Variants in RHBDD3 observed in about 807,000 individuals in gnomAD.
RHBDD3 encodes rhomboid domain-containing protein 3.
RHBDD3 carries 34 observed loss-of-function variants against 32.3 expected under a neutral mutation model. The observed-to-expected ratio is 1.05, with a 90% CI of 0.80 to 1.40. The LOEUF (loss-of-function observed/expected upper bound fraction) is 1.40. Ranked by LOEUF, RHBDD3 falls within the 40% of genes most tolerant of loss-of-function variation. The probability of loss-of-function intolerance (pLI) is 0.00; values close to 1 mark genes in which losing one functional copy is unlikely to be tolerated. For synonymous variants in RHBDD3, 249 were observed against 239.1 expected (o/e 1.04, Z -0.38); for missense variants, 482 against 492.6 (o/e 0.98, Z 0.20).
Position 29,264,195 on chromosome 22 carries a change from G to T in RHBDD3, c.172C>A (p.Leu58Met). Residue 58 changes from leucine (L) to methionine (M), a missense_variant, in exon 4 of 7, where the codon CTG (leucine) becomes ATG (methionine). Coordinates refer to ENST00000216085, the MANE Select transcript of RHBDD3 (RefSeq NM_012265.3). ...AGGCCTGGCAGGGCCGTGTGGCCCA[G>T]GGCATGGGTCAGCAGCCGGTGCACT... ...WQVHRLLTHA[L>M]GHTALPGLLL... 6.4e-7 allele frequency: 1 copy of T among 1,553,798 alleles called. No homozygotes were observed. The highest frequency in any genetic ancestry group is 8.7e-7 in the Non-Finnish European group (1 of 1,150,408).
chr22:29,262,155 T>C (rs2058127508), intron 4 of RHBDD3: 1 of 148,898 alleles, frequency 6.7e-6, no homozygotes, highest in Non-Finnish European at 1.5e-5. Flanking sequence ...TTTTTTTTTT[T>C]TTTTGGAGAG....
chr22:29,266,539 C>T (rs1214694291), intron 2 of RHBDD3, among the ~76,000 whole-genome samples: 1 of 152,244 alleles, frequency 6.6e-6, no homozygotes, highest in East Asian at 1.9e-4. Context: ...CCAACTGGCC[C>T]ATCGAGAAGG....
rs751650483 is a variant in RHBDD3, at chr22:29,263,844, C to T, written c.523G>A (p.Gly175Ser). Residue 175 changes from glycine (G) to serine (S), a missense_variant, in exon 4 of 7, where the codon GGC (glycine) becomes AGC (serine). Transcript: ENST00000216085. Reference protein sequence around the residue: ...FLQLLCGLLAGLAYAAGAFRW... With the variant: ...FLQLLCGLLASLAYAAGAFRW... ...CTCAGGCAAAGGATACAGGCCAGGC[C>T]GGCAAGGAGGCCGCAAAGGAGCTGC... The T allele has an allele frequency of 5.3e-5, 81 of 1,533,148 alleles. No individual in the cohort carries two copies. The highest frequency in any genetic ancestry group is 2.4e-4 in the South Asian group (20 of 81,800). The allele number at this position is 1,533,148 out of a possible 1,614,324, so 95.0% of individuals were successfully genotyped here. A position where few individuals can be genotyped will look rare whatever the true frequency, so the allele number is the denominator to read the frequency against.
rs2058090704 is a variant in RHBDD3, at chr22:29,260,046, ACT to A, written c.*12_*13del. 1.3e-6 allele frequency: 2 copies of A among 1,552,618 alleles called. No individual in the cohort carries two copies. The highest frequency in any genetic ancestry group is 2.4e-5 in the East Asian group (1 of 41,104). ...GCACCCAAGGGCCTGCCTGTGCCCC[ACT>A]CTCTGCCTGGGCTAGGGAGGCCCAG... On this transcript the variant is annotated 3_prime_UTR_variant, in exon 7 of 7. Transcript: ENST00000216085.
At chr22:29,265,908 T>C (rs1602099456) in intron 2 of RHBDD3, among the ~76,000 whole-genome samples, 1 of 152,056 alleles carries the variant, frequency 6.6e-6, no homozygotes, top group Non-Finnish European at 1.5e-5. Context: ...TTCTGAGTCC[T>C]GATAGGCCCT....
chr22:29,263,937 G>C lies in RHBDD3; in HGVS notation c.430C>G (p.Pro144Ala), dbSNP rs1208792489. The C allele has an allele frequency of 6.5e-7, 1 of 1,549,946 alleles. No individual in the cohort carries two copies. Among genetic ancestry groups the C allele is most frequent in the South Asian group, 1.2e-5 (1 of 84,058 alleles). The change falls in exon 4 of 7, where the codon CCA becomes GCA. Residue 144 changes from proline to alanine, a missense_variant. By Grantham distance (27) the Pro-to-Ala change is conservative. Coordinates refer to ENST00000216085, the MANE Select transcript of RHBDD3 (RefSeq NM_012265.3). ...HRPRRPRGAL[P>A]PWLSPWLLLA... ...AGCAGCCACGGCGACAGCCACGGTG[G>C]CAGTGCCCCACGGGGCCGTCTAGGG...
Position 29,265,513 on chromosome 22 carries a change from G to A in RHBDD3, c.114C>T (p.Val38=). 1.3e-6 allele frequency: 2 copies of A among 1,561,504 alleles called. No individual in the cohort carries two copies. Among genetic ancestry groups the A allele is most frequent in the Non-Finnish European group, 1.7e-6 (2 of 1,160,716 alleles). ...GGTCCAGCAACAGCTCCGGGGCCAG[G>A]ACCAGGCCGGGGCCGGCCCCCACCA... The part of the protein sequence containing the change: ...LWLVGAGPGL[V]LAPELLLDPW... The change falls in exon 3 of 7, where the codon GTC becomes GTT. Residue 38 remains valine (V), a synonymous_variant. Transcript: ENST00000216085.
Position 29,264,183 on chromosome 22 carries a change from C to T in RHBDD3, c.184G>A (p.Ala62Thr). 2 of 1,569,904 alleles carry T rather than the reference C, an allele frequency of 1.3e-6. No individual in the cohort carries two copies. The highest frequency in any genetic ancestry group is 8.6e-7 in the Non-Finnish European group (1 of 1,158,672). Reference protein sequence around the residue: ...RLLTHALGHTALPGLLLSLLL... With the variant: ...RLLTHALGHTTLPGLLLSLLL... ...AGGCTCAGGAGCAGGCCTGGCAGGG[C>T]CGTGTGGCCCAGGGCATGGGTCAGC... The change falls in exon 4 of 7, where the codon GCC becomes ACC. Residue 62 changes from alanine (A) to threonine (T), a missense_variant. By Grantham distance (58) the Ala-to-Thr change is moderately conservative. Coordinates refer to ENST00000216085, the MANE Select transcript of RHBDD3 (RefSeq NM_012265.3).
Position 29,264,175 on chromosome 22 carries a change from T to TG in RHBDD3, c.191dup (p.Gly65ArgfsTer73). ...GGAGCAGCAGGCTCAGGAGCAGGCC[T>TG]GGCAGGGCCGTGTGGCCCAGGGCAT... On this transcript the variant is annotated frameshift_variant, in exon 4 of 7. Coordinates refer to ENST00000216085, the MANE Select transcript of RHBDD3 (RefSeq NM_012265.3). LOFTEE classifies it high-confidence loss of function. The TG allele has an allele frequency of 6.3e-7, 1 of 1,576,972 alleles. No individual in the cohort carries two copies. Among genetic ancestry groups the TG allele is most frequent in the African/African-American group, 1.3e-5 (1 of 74,506 alleles).
At position 29,265,547 on chromosome 22, in the gene RHBDD3, G is replaced by A. The variant is rs2058166620; in HGVS notation, c.80C>T (p.Thr27Ile). 6.3e-7 allele frequency: 1 copy of A among 1,587,122 alleles called. No homozygotes were observed. The highest frequency in any genetic ancestry group is 2.4e-5 in the East Asian group (1 of 42,158). ...ASSVLMLLMSTLWLVGAGPGL... is the reference protein window; with the variant it reads ...ASSVLMLLMSILWLVGAGPGL... ...GGGGCCGGCCCCCACCAGCCACAGG[G>A]TGCTCATCAGCAGCATCAGGACTGA... The change falls in exon 3 of 7, where the codon ACC (threonine) becomes ATC (isoleucine). Residue 27 changes from threonine to isoleucine, a missense_variant. Physicochemically the swap from Thr to Ile is moderately conservative, Grantham distance 89. Coordinates refer to ENST00000216085, the MANE Select transcript of RHBDD3 (RefSeq NM_012265.3).
chr22:29,263,697 T>C (rs1382095429), intron 4 of RHBDD3, 138 bp downstream of exon 4: 1 of 1,392,806 alleles, frequency 7.2e-7, no homozygotes, highest in Non-Finnish European at 9.4e-7. Flanking sequence ...AGAGGAAGAC[T>C]CAGAGAAGCT....
chr22:29,264,184 C>G lies in RHBDD3; in HGVS notation c.183G>C (p.Thr61=), dbSNP rs765212443. ...HRLLTHALGH[T]ALPGLLLSLL... ...GGCTCAGGAGCAGGCCTGGCAGGGC[C>G]GTGTGGCCCAGGGCATGGGTCAGCA... Residue 61 remains threonine (T), a synonymous_variant, in exon 4 of 7, where the codon ACG becomes ACC. Coordinates refer to ENST00000216085, the MANE Select transcript of RHBDD3 (RefSeq NM_012265.3). 5 of 1,569,820 alleles carry G rather than the reference C, an allele frequency of 3.2e-6. No homozygotes were observed. Among genetic ancestry groups the G allele is most frequent in the Non-Finnish European group, 4.3e-6 (5 of 1,158,606 alleles).
At chr22:29,268,089 C>T, upstream of RHBDD3, 1 of 598,622 alleles carries the variant, frequency 1.7e-6, no homozygotes, top group South Asian at 1.9e-5. Flanking sequence ...ACCCGCTCAC[C>T]CCCGCTCTGG....
chr22:29,267,054 G>C (rs541593088), intron 2 of RHBDD3, among the ~76,000 whole-genome samples: 1 of 152,242 alleles, frequency 6.6e-6, no homozygotes, highest in East Asian at 1.9e-4. Flanking sequence ...CATTCCCCAG[G>C]GTATTCACAG....
Position 29,264,038 on chromosome 22 carries a change from A to T in RHBDD3, c.329T>A (p.Leu110His). 1 of 1,564,784 alleles carries T rather than the reference A, an allele frequency of 6.4e-7. No individual in the cohort carries two copies. ...GCTGCCGGCTGCACTGGACAGCCCA[A>T]GGCCTGCCAGCAGCACTGCCAGCAG... Reference protein sequence around the residue: ...SGLLAVLLAGLGLSSAAGSCG... With the variant: ...SGLLAVLLAGHGLSSAAGSCG... Residue 110 changes from leucine (L) to histidine (H), a missense_variant, in exon 4 of 7, where the codon CTT becomes CAT. Transcript: ENST00000216085.
At chr22:29,264,415 G>A (rs1203672829) in intron 3 of RHBDD3, 197 bp from the exon 4 acceptor site, 20 of 1,405,334 alleles carry the variant, frequency 1.4e-5, no homozygotes, top group Non-Finnish European at 1.7e-5. Flanking sequence ...CTGTGGCTAC[G>A]CCTCTGTGGT....
chr22:29,265,630 T>G lies in RHBDD3; in HGVS notation c.-4A>C. On this transcript the variant is annotated 5_prime_UTR_variant, in exon 3 of 7. Transcript: ENST00000216085. ...CATGGGGGCCCCTGGCATGCATCGC[T>G]TGGTTGAGGACGGTCAAGGGTGGTC... is the stretch of plus-strand genomic sequence containing the variant. The G allele has an allele frequency of 6.3e-7, 1 of 1,584,356 alleles. No homozygotes were observed. The highest frequency in any genetic ancestry group is 1.4e-5 in the African/African-American group (1 of 72,716).
At position 29,260,827 on chromosome 22, in the gene RHBDD3, C is replaced by A; in HGVS notation, c.570G>T (p.Glu190Asp). 6.2e-7 allele frequency: 1 copy of A among 1,604,312 alleles called. No homozygotes were observed. The highest frequency in any genetic ancestry group is 1.7e-5 in the Admixed American group (1 of 59,022). The change falls in exon 5 of 7, where the codon GAG (glutamate) becomes GAT (aspartate). Residue 190 changes from glutamate (E) to aspartate (D), a missense_variant. Physicochemically the swap from Glu to Asp is conservative, Grantham distance 45. Transcript: ENST00000216085. ...CCTCCTGCAGCACCTGCAGCCGTCG[C>A]TCTGAGGGTTCCAGCCACCGGAAGG... ...AGAFRWLEPSERRLQVLQEGV... is the reference protein window; with the variant it reads ...AGAFRWLEPSDRRLQVLQEGV...
At position 29,260,004 on chromosome 22, in the gene RHBDD3, A is replaced by G. The variant is rs1337274013; in HGVS notation, c.*56T>C. 6.6e-7 allele frequency: 1 copy of G among 1,510,868 alleles called. No individual in the cohort carries two copies. Among genetic ancestry groups the G allele is most frequent in the Non-Finnish European group, 8.9e-7 (1 of 1,120,744 alleles). 93.6% of individuals were successfully genotyped at this position (1,510,868 alleles called of 1,614,324 possible). On this transcript the variant is annotated 3_prime_UTR_variant, in exon 7 of 7. Transcript: ENST00000216085. Reference sequence around the variant, plus strand: ...CAGAGTAGGAGCTCGGGCTACCCACATGCAGCCCAGCCCTTAGCACCCAAG... The same window carrying G: ...CAGAGTAGGAGCTCGGGCTACCCACGTGCAGCCCAGCCCTTAGCACCCAAG...
Sources: gnomAD v4.1 joint callset for allele counts (sites outside exome capture counted in the v4.1 genomes callset) on GRCh38, gnomAD v4.1.1 for gene constraint, MANE v1.5 for transcripts, NCBI Gene and HGNC (gene_info 2026-07-23, HGNC 2026-07-21) for gene names.